The following DYRK4 variants were observed in gnomAD, a reference collection of about 807,000 sequenced individuals.
DYRK4 encodes dual specificity tyrosine-phosphorylation-regulated kinase 4.
A neutral mutation model predicts 68.3 loss-of-function variants in DYRK4; 64 were observed. The observed-to-expected ratio is 0.94, with a 90% CI of 0.77 to 1.15. DYRK4 has a LOEUF of 1.15. Ranked by LOEUF, DYRK4 falls within the 50% of genes most tolerant of loss-of-function variation. The pLI, the probability that DYRK4 is intolerant of heterozygous loss-of-function variation, is 0.00. For synonymous variants in DYRK4, 274 were observed against 289.9 expected (o/e 0.95, Z 0.56); for missense variants, 740 against 764.7 (o/e 0.97, Z 0.38).
At chr12:4,608,077 A>C (rs535200401) in intron 12 of DYRK4, among the ~76,000 whole-genome samples, 38 of 152,326 alleles carry the variant, frequency 2.5e-4, no homozygotes, top group Admixed American at 2.2e-3. Flanking sequence ...CAAGGTATCA[A>C]CTGAGGCAGG....
intron 6 of DYRK4, 85 bp from the exon 7 acceptor site, chr12:4,596,064 C>T: frequency 1.4e-6 from 2 of 1,459,134 alleles, no homozygotes; most frequent in Admixed American, 1.9e-5. Context: ...GAGCCATAAT[C>T]TGGGGATGGG....
At chr12:4,574,660 T>C (rs1944768481) in intron 2 of DYRK4, among the ~76,000 whole-genome samples, 1 of 152,222 alleles carries the variant, frequency 6.6e-6, no homozygotes, top group Admixed American at 6.5e-5. Flanking sequence ...CTACATTTTT[T>C]ATCAGTTTTA....
In DYRK4 at chr12:4,604,942, C is replaced by T. The variant is rs767553067; in HGVS notation, c.1155C>T (p.Tyr385=). The T allele has an allele frequency of 6.2e-6, 10 of 1,611,556 alleles. No homozygotes were observed. Among genetic ancestry groups the T allele is most frequent in the Non-Finnish European group, 8.5e-6 (10 of 1,178,714 alleles). ...ACACGTACATCCAAAGCCGGTTCTA[C>T]CGATCCCCAGAAGTGATCCTGGGCC... ...KVYTYIQSRF[Y]RSPEVILGHP... is the part of the protein sequence containing the mutation. The change falls in exon 11 of 15, where the codon TAC becomes TAT. Residue 385 remains tyrosine, a synonymous_variant. Transcript: ENST00000543431.
chr12:4,605,103 C>G lies in DYRK4; in HGVS notation c.1299+17C>G, dbSNP rs765454566. 6.2e-7 allele frequency: 1 copy of G among 1,605,494 alleles called. No homozygotes were observed. On this transcript the variant is annotated intron_variant, in intron 11 of 14. Transcript: ENST00000543431. The stretch of plus-strand genomic sequence containing the variant: ...ATCATGGAGGTACGCGGAGGGCTGG[C>G]GGTCGGCTCCCACGGAGACCGTGGG...
At chr12:4,606,763 G>C (rs1439807518) in intron 11 of DYRK4, among the ~76,000 whole-genome samples, 1 of 152,208 alleles carries the variant, frequency 6.6e-6, no homozygotes, top group East Asian at 1.9e-4. Context: ...GAACAGAAGA[G>C]CAGGATAATG....
chr12:4,608,884 C>A (rs10774246), intron 12 of DYRK4, among the ~76,000 whole-genome samples: 15,492 of 152,256 alleles, frequency 0.1, 865 homozygotes, highest in South Asian at 0.14. Flanking sequence ...GGCAAAGGAT[C>A]TGGCTGGCTC....
chr12:4,613,376 T>G lies in DYRK4; in HGVS notation c.1667-139T>G. On this transcript the variant is annotated intron_variant, in intron 14 of 14. Coordinates refer to ENST00000543431, the MANE Select transcript of DYRK4 (RefSeq NM_001394779.1). This position sits in a 1 kb window ranked among gnomAD's most constrained non-coding sequence, Gnocchi z 4.0. ...AGTGCTTAGAATAATGCCCGGCACA[T>G]TGGAGGTGCTTTACAAATGAACTGT... The G allele has an allele frequency of 9.1e-7, 1 of 1,100,602 alleles. No homozygotes were observed. The highest frequency in any genetic ancestry group is 1.3e-6 in the Non-Finnish European group (1 of 782,630). 68.2% of individuals were successfully genotyped at this position (1,100,602 alleles called of 1,614,324 possible).
chr12:4,602,849 A>G, intron 10 of DYRK4: 2 of 1,167,356 alleles, frequency 1.7e-6, no homozygotes, highest in Non-Finnish European at 2.6e-6. Flanking sequence ...ATCATTGGAA[A>G]TACATCACTG....
At chr12:4,571,863 A>G (rs1944733746) in intron 2 of DYRK4, among the ~76,000 whole-genome samples, 1 of 152,252 alleles carries the variant, frequency 6.6e-6, no homozygotes, top group African/African-American at 2.4e-5. Context: ...GACACTGCAC[A>G]ATGGCAAAGG....
Position 4,613,429 on chromosome 12 carries a change from A to G in DYRK4, c.1667-86A>G, listed in dbSNP as rs574298318. The G allele has an allele frequency of 6.7e-7, 1 of 1,488,628 alleles. No homozygotes were observed. The highest frequency in any genetic ancestry group is 2.3e-5 in the East Asian group (1 of 43,634). The allele number at this position is 1,488,628 out of a possible 1,614,324, so 92.2% of individuals were successfully genotyped here. ...TTATATCATCACGGTCATCGTTTCC[A>G]CTAAGTGATGTACAACCTAAAGGAC... On this transcript the variant is annotated intron_variant, in intron 14 of 14. Transcript: ENST00000543431. The surrounding 1 kb of genome is among the most constrained non-coding windows in gnomAD (Gnocchi z 4.0).
intron 10 of DYRK4, chr12:4,601,876 TTGTGTGTGTGTGTGTGTG>T (rs58259135): frequency 6.4e-6 from 1 of 156,920 alleles, no homozygotes; most frequent in African/African-American, 2.5e-5. Flanking sequence ...TCTGTAGGGT[TTGTGTGTGTGTGTGTGTG>T]TGTGTGTGTG....
At chr12:4,562,551 T>A (rs1425452518) in intron 1 of DYRK4, among the ~76,000 whole-genome samples, 1 of 152,206 alleles carries the variant, frequency 6.6e-6, no homozygotes, top group Non-Finnish European at 1.5e-5. Context: ...TCCAGCTGAG[T>A]GCAGGACAGG....
intron 2 of DYRK4, among the ~76,000 whole-genome samples, chr12:4,577,706 G>A (rs1191984434): frequency 1.3e-5 from 2 of 152,190 alleles, no homozygotes; most frequent in African/African-American, 4.8e-5. Context: ...TGAATCTACA[G>A]ATTAAGTTGG....
rs1405384430 is a variant in DYRK4 at position 4,599,129 on chromosome 12, T to A, written c.1007T>A (p.Leu336His). 2 of 1,614,168 alleles carry A rather than the reference T, an allele frequency of 1.2e-6. No homozygotes were observed. Among genetic ancestry groups the A allele is most frequent in the Non-Finnish European group, 8.5e-7 (1 of 1,180,034 alleles). The part of the protein sequence containing the change: ...TLSVLKCLQM[L>H]SVEKIIHCDL... ...TCTGTTTTGAAGTGCTTGCAGATGCTTTCGGTAGAGAAAATCATTCACTGT... is the reference window on the plus strand; with the variant it reads ...TCTGTTTTGAAGTGCTTGCAGATGCATTCGGTAGAGAAAATCATTCACTGT... Residue 336 changes from leucine to histidine, a missense_variant, in exon 9 of 15, where the codon CTT becomes CAT. Transcript: ENST00000543431.
intron 2 of DYRK4, among the ~76,000 whole-genome samples, chr12:4,587,346 C>T (rs1944908111): frequency 6.6e-6 from 1 of 152,214 alleles, no homozygotes; most frequent in South Asian, 2.1e-4. Context: ...AGCGCCCCCT[C>T]TACCACCATC....
At chr12:4,564,981 G>C (rs1434632476) in intron 1 of DYRK4, among the ~76,000 whole-genome samples, 1 of 152,176 alleles carries the variant, frequency 6.6e-6, no homozygotes, top group East Asian at 1.9e-4. Flanking sequence ...CTCGAGGAAA[G>C]AGAGGAAGGG....
At chr12:4,599,962 G>T (rs1015212857) in intron 10 of DYRK4, among the ~76,000 whole-genome samples, 174 bp downstream of exon 10, 1 of 152,204 alleles carries the variant, frequency 6.6e-6, no homozygotes, top group Non-Finnish European at 1.5e-5. Flanking sequence ...ATTTGAGAAA[G>T]TTGTATCCAA....
At chr12:4,590,618 C>T in intron 4 of DYRK4, 178 bp downstream of exon 4, 1 of 1,300,506 alleles carries the variant, frequency 7.7e-7, no homozygotes, top group Non-Finnish European at 9.8e-7. Flanking sequence ...AAGTCCTTGA[C>T]CTTTTCTTAG....
chr12:4,605,807 C>G (rs187395922), intron 11 of DYRK4, among the ~76,000 whole-genome samples: 1 of 143,684 alleles, frequency 7.0e-6, no homozygotes, highest in Non-Finnish European at 1.5e-5. Context: ...CTAGAATGCC[C>G]GGGCTCGGGA....
Sources: allele counts gnomAD v4.1 joint callset (sites outside exome capture counted in the v4.1 genomes callset), GRCh38; gene constraint gnomAD v4.1.1; non-coding constraint Gnocchi (gnomAD v3.1); transcripts MANE v1.5; gene names NCBI Gene and HGNC (gene_info 2026-07-23, HGNC 2026-07-21).